TRAM2: variants seen among roughly 807,000 people sequenced by gnomAD.
The protein encoded by TRAM2 is translocating chain-associated membrane protein 2.
In TRAM2, 12 loss-of-function variants were observed where a neutral mutation model predicts 51.0. The ratio of observed to expected loss-of-function variants is 0.24; its 90% CI spans 0.15 to 0.38. TRAM2 has a LOEUF of 0.38. Ranked by LOEUF, TRAM2 falls within the 10% of genes least tolerant of loss-of-function variation. TRAM2 has a pLI of 1.00. For synonymous variants in TRAM2, 175 were observed against 179.4 expected, an observed-to-expected ratio of 0.98 and a Z score of 0.20; for missense variants, 361 against 462.0, an observed-to-expected ratio of 0.78 and a Z score of 2.00.
intron 4 of TRAM2, among the ~76,000 whole-genome samples, chr6:52,512,389 G>A (rs1364806871): frequency 6.6e-6 from 1 of 152,182 alleles, no homozygotes; most frequent in Non-Finnish European, 1.5e-5. Context: ...GAGGAAAAGG[G>A]TGGAGGGAGG....
At position 52,516,060 on chromosome 6, in the gene TRAM2, C is replaced by T. The variant is rs1766542295; in HGVS notation, c.357G>A (p.Gln119=). ...CCGAGGTGAAATGAAAGACGACCAG[C>T]TGTCCAGATTCATTGAACTTGCTGT... ...VKHSKFNESG[Q]LVVFHFTSVI... is the part of the protein sequence containing the mutation. Residue 119 remains glutamine, a synonymous_variant, in exon 4 of 11, where the codon CAG becomes CAA. Coordinates refer to ENST00000182527, the MANE Select transcript of TRAM2 (RefSeq NM_012288.4). 1 of 1,614,222 alleles carries T rather than the reference C, an allele frequency of 6.2e-7. No homozygotes were observed. The highest frequency in any genetic ancestry group is 1.3e-5 in the African/African-American group (1 of 75,060).
intron 4 of TRAM2, 74 bp from the exon 5 acceptor site, chr6:52,509,660 G>A: frequency 7.0e-7 from 1 of 1,427,490 alleles, no homozygotes; most frequent in Non-Finnish European, 9.8e-7. Context: ...ACCGGTCCAG[G>A]GGTCAGGGAT....
At chr6:52,545,658 G>A (rs3789768) in intron 1 of TRAM2, among the ~76,000 whole-genome samples, 30,061 of 144,744 alleles carry the variant, frequency 0.21, 3,925 homozygotes, top group Non-Finnish European at 0.29. Flanking sequence ...CCAAGGCCAT[G>A]GCCTTGCCAA....
chr6:52,541,458 C>T (rs1365243972), intron 1 of TRAM2, among the ~76,000 whole-genome samples: 3 of 152,208 alleles, frequency 2.0e-5, no homozygotes, highest in African/African-American at 7.2e-5. Context: ...GTAAACTTTA[C>T]CTGATTCTAC....
At chr6:52,515,793 C>G in intron 4 of TRAM2, 1 of 532,382 alleles carries the variant, frequency 1.9e-6, no homozygotes. Flanking sequence ...ATGACTCTCT[C>G]CAGCTATAAA....
intron 1 of TRAM2, among the ~76,000 whole-genome samples, chr6:52,567,313 G>A (rs111839812): frequency 1.3e-5 from 2 of 152,252 alleles, no homozygotes; most frequent in African/African-American, 4.8e-5. Context: ...TAGCTGAGAA[G>A]TGTCACATTC....
In TRAM2 at chr6:52,503,169, G is replaced by C. The variant is rs758876031; in HGVS notation, c.*28C>G. 2.5e-6 allele frequency: 4 copies of C among 1,603,984 alleles called. No homozygotes were observed. In the Admixed American group the frequency reaches 6.7e-5, roughly 27 times the overall value. ...TTGCCCCCTGCTCGGCCCCCACCAA[G>C]AGGATTCCTGTTCTTAGCACTTTGG... On this transcript the variant is annotated 3_prime_UTR_variant, in exon 11 of 11. Transcript: ENST00000182527.
intron 1 of TRAM2, among the ~76,000 whole-genome samples, chr6:52,555,084 T>C (rs1352864873): frequency 6.6e-6 from 1 of 152,244 alleles, no homozygotes; most frequent in Non-Finnish European, 1.5e-5. Context: ...TCTAATACCC[T>C]CACTTTCACC....
At position 52,516,091 on chromosome 6, in the gene TRAM2, A is replaced by C; in HGVS notation, c.326T>G (p.Val109Gly). 6.2e-7 allele frequency: 1 copy of C among 1,614,178 alleles called. No individual in the cohort carries two copies. Among genetic ancestry groups the C allele is most frequent in the Non-Finnish European group, 8.5e-7 (1 of 1,180,020 alleles). Residue 109 changes from valine to glycine, a missense_variant, in exon 4 of 11, where the codon GTC becomes GGC. Val to Gly is a moderately radical substitution (Grantham distance 109, BLOSUM62 -3). Transcript: ENST00000182527. ...AGATTCATTGAACTTGCTGTGTTTGACTTTGGAGAGATGAAGCCGTTTGCT... is the reference window on the plus strand; with the variant it reads ...AGATTCATTGAACTTGCTGTGTTTGCCTTTGGAGAGATGAAGCCGTTTGCT... ...KISKRLHLSKVKHSKFNESGQ... is the reference protein window; with the variant it reads ...KISKRLHLSKGKHSKFNESGQ...
intron 1 of TRAM2, among the ~76,000 whole-genome samples, chr6:52,553,715 G>A (rs1264662829): frequency 6.6e-6 from 1 of 152,184 alleles, no homozygotes; most frequent in African/African-American, 2.4e-5. Flanking sequence ...TCCCAATTCT[G>A]CCCTCACTAA....
chr6:52,525,616 T>A (rs533250857), intron 2 of TRAM2, among the ~76,000 whole-genome samples: 2 of 152,312 alleles, frequency 1.3e-5, no homozygotes, highest in Admixed American at 6.5e-5. Context: ...AAGACCAGCC[T>A]GGCCAACACA....
intron 2 of TRAM2, chr6:52,524,314 A>T (rs1421818102): frequency 6.6e-6 from 1 of 151,690 alleles, no homozygotes; most frequent in Non-Finnish European, 1.5e-5. Flanking sequence ...AGAAGCATAT[A>T]GTATTCCATC....
chr6:52,503,390 A>C (rs1050218915), intron 10 of TRAM2, 120 bp from the exon 11 acceptor site: 3 of 868,080 alleles, frequency 3.5e-6, no homozygotes, highest in Non-Finnish European at 5.8e-6. Flanking sequence ...ACATGGATGC[A>C]CCAAAGGGGC....
At chr6:52,504,337 C>A (rs151311089) in intron 10 of TRAM2, among the ~76,000 whole-genome samples, 225 of 152,326 alleles carry the variant, frequency 1.5e-3, no homozygotes, top group African/African-American at 5.2e-3. Context: ...CCCACCCAGC[C>A]ACTGCCCTGC....
chr6:52,544,541 T>C (rs1767163505), intron 1 of TRAM2, among the ~76,000 whole-genome samples: 2 of 152,218 alleles, frequency 1.3e-5, no homozygotes, highest in South Asian at 2.1e-4. Flanking sequence ...ATCCTCCTCC[T>C]GTGGGAAATG....
chr6:52,574,900 C>CA lies in TRAM2; in HGVS notation c.120+1895_120+1896insT, dbSNP rs1172913764. On this transcript the variant is annotated intron_variant, in intron 1 of 10. Transcript: ENST00000182527. ...ACCCTAACAAATGCTAGAAATATGA[C>CA]GGAGAGAGCCACAGGCTATGCGAGA... Among the ~76,000 whole-genome samples, 35 of 152,180 alleles carry CA rather than the reference C, an allele frequency of 2.3e-4. 2 individuals carry two copies. Among genetic ancestry groups the CA allele is most frequent in the Admixed American group, 6.5e-4 (10 of 15,298 alleles).
At chr6:52,524,043 G>A (rs1042278645) in intron 2 of TRAM2, 5 of 152,200 alleles carry the variant, frequency 3.3e-5, no homozygotes, top group African/African-American at 1.2e-4. Flanking sequence ...GCAATAGAGC[G>A]ATTTAAAAAC....
In TRAM2 at chr6:52,506,117, T is replaced by G; in HGVS notation, c.646A>C (p.Ile216Leu). The change falls in exon 8 of 11, where the codon ATC becomes CTC. Residue 216 changes from isoleucine to leucine, a missense_variant. Transcript: ENST00000182527. ...YLLNLSRLGL[I>L]LLLLQYSTEF... ...GTTGAGTACTGCAGCAGCAGCAAGA[T>G]CAGGCCCAGGCGGCTCAGGCTGGGG... 6.2e-7 allele frequency: 1 copy of G among 1,614,004 alleles called. No homozygotes were observed. The highest frequency in any genetic ancestry group is 8.5e-7 in the Non-Finnish European group (1 of 1,180,036).
chr6:52,504,764 A>C lies in TRAM2; in HGVS notation c.876-10T>G. Reference sequence around the variant, plus strand: ...CAGCAGCACGCAGAGCCTGCAGAGCAGGGGGTTAGGGGCTTAGGCTGGGGC... The same window carrying C: ...CAGCAGCACGCAGAGCCTGCAGAGCCGGGGGTTAGGGGCTTAGGCTGGGGC... On this transcript the variant is annotated splice_polypyrimidine_tract_variant and intron_variant, in intron 9 of 10. Transcript: ENST00000182527. The C allele has an allele frequency of 1.9e-6, 3 of 1,590,678 alleles. No homozygotes were observed. Among genetic ancestry groups the C allele is most frequent in the Non-Finnish European group, 2.6e-6 (3 of 1,171,194 alleles).
Sources: gnomAD v4.1 joint callset for allele counts (sites outside exome capture counted in the v4.1 genomes callset) on GRCh38, gnomAD v4.1.1 for gene constraint, MANE v1.5 for transcripts, NCBI Gene and HGNC (gene_info 2026-07-23, HGNC 2026-07-21) for gene names.